Variants in WDPCP observed in about 807,000 individuals in gnomAD.
The protein encoded by WDPCP is WD repeat containing planar cell polarity effector.
Under a neutral mutation model 93.1 loss-of-function variants are expected in WDPCP, and 71 were observed. That is an observed-to-expected ratio of 0.76 (90% CI 0.63 to 0.93). The LOEUF (loss-of-function observed/expected upper bound fraction) is 0.93, where lower values mean the gene tolerates loss of function less well. Ranked by LOEUF, WDPCP falls within the 40% of genes least tolerant of loss-of-function variation. WDPCP has a pLI of 0.00. For synonymous variants in WDPCP, 315 were observed against 315.0 expected (o/e 1.00, Z 0.00); for missense variants, 844 against 887.4 (o/e 0.95, Z 0.62).
chr2:63,246,294 T>G (rs762841867), intron 14 of WDPCP, among the ~76,000 whole-genome samples: 4 of 152,190 alleles, frequency 2.6e-5, no homozygotes, highest in African/African-American at 4.8e-5. Flanking sequence ...CTGGTCGGTT[T>G]CATAAACATT....
chr2:63,680,073 TCTGAATATC>T (rs1023696266), intron 2 of WDPCP, among the ~76,000 whole-genome samples: 2 of 152,138 alleles, frequency 1.3e-5, no homozygotes, highest in Non-Finnish European at 2.9e-5. Context: ...CTTGCTAGGG[TCTGAATATC>T]CCCATCAAAA....
At chr2:63,205,455 T>C (rs1676268314) in intron 14 of WDPCP, among the ~76,000 whole-genome samples, 1 of 152,234 alleles carries the variant, frequency 6.6e-6, no homozygotes, top group African/African-American at 2.4e-5. Context: ...TTCCAATCCA[T>C]GAACATGGAA....
At chr2:63,604,699 G>A in intron 3 of WDPCP, 2 of 1,612,354 alleles carry the variant, frequency 1.2e-6, no homozygotes, top group Non-Finnish European at 1.7e-6. Context: ...TAACTAGATT[G>A]CTCTTAAACT....
chr2:63,527,461 C>T (rs1229985430), intron 1 of WDPCP, among the ~76,000 whole-genome samples: 2 of 148,904 alleles, frequency 1.3e-5, no homozygotes, highest in African/African-American at 2.5e-5. Flanking sequence ...TGAGTGAGAA[C>T]ATGCAGTGTT....
At chr2:63,160,834 A>G (rs1401104801) in intron 15 of WDPCP, among the ~76,000 whole-genome samples, 12 of 152,226 alleles carry the variant, frequency 7.9e-5, no homozygotes, top group Admixed American at 7.9e-4. Context: ...AATTCCATTA[A>G]TCAGTCTTTG....
At chr2:63,435,355 A>C (rs1697062146) in intron 8 of WDPCP, among the ~76,000 whole-genome samples, 1 of 152,202 alleles carries the variant, frequency 6.6e-6, no homozygotes, top group African/African-American at 2.4e-5. Context: ...TTGTTTTAAA[A>C]TCCAAATGGG....
At chr2:63,635,915 A>T (rs1190032960) in intron 3 of WDPCP, among the ~76,000 whole-genome samples, 2 of 152,210 alleles carry the variant, frequency 1.3e-5, no homozygotes, top group East Asian at 3.8e-4. Flanking sequence ...GAAGAAGTAA[A>T]ATTGCTGTTT....
chr2:63,535,475 G>A (rs373257751), intron 1 of WDPCP, among the ~76,000 whole-genome samples: 39 of 151,870 alleles, frequency 2.6e-4, no homozygotes, highest in African/African-American at 7.5e-4. Flanking sequence ...ACAAGGCTAC[G>A]GTAACCAAAA....
At chr2:63,670,635 G>T (rs60600949) in intron 2 of WDPCP, among the ~76,000 whole-genome samples, 1 of 152,234 alleles carries the variant, frequency 6.6e-6, no homozygotes, top group South Asian at 2.1e-4. Flanking sequence ...TAAAAAACAG[G>T]GAGGAAGAGA....
chr2:63,467,371 T>A (rs749050444), intron 6 of WDPCP, among the ~76,000 whole-genome samples: 1 of 151,558 alleles, frequency 6.6e-6, no homozygotes, highest in East Asian at 1.9e-4. Context: ...TCCCAGCTGC[T>A]CAGGAGGCTG....
chr2:63,594,487 G>A (rs2106604781), intron 3 of WDPCP: 1 of 1,610,800 alleles, frequency 6.2e-7, no homozygotes, highest in Non-Finnish European at 8.5e-7. Flanking sequence ...TTTCATTACA[G>A]TCTGAACCAA....
intron 17 of WDPCP, among the ~76,000 whole-genome samples, chr2:63,144,285 T>C (rs1671312624): frequency 6.7e-6 from 1 of 148,654 alleles, no homozygotes; most frequent in African/African-American, 2.4e-5. Context: ...TTTTATTTTA[T>C]TTTATTTTAT....
upstream of WDPCP, chr2:63,591,057 T>C (rs566158683): frequency 6.6e-6 from 1 of 152,372 alleles, no homozygotes; most frequent in East Asian, 1.9e-4. Context: ...TGGCTCTGTC[T>C]GTGGAATAAC....
At chr2:63,326,172 C>T (rs10169209) in intron 12 of WDPCP, among the ~76,000 whole-genome samples, 11 of 152,104 alleles carry the variant, frequency 7.2e-5, no homozygotes, top group Non-Finnish European at 4.4e-5. Flanking sequence ...ACTCCTTGAG[C>T]GACTGGTGCT....
intron 14 of WDPCP, among the ~76,000 whole-genome samples, chr2:63,185,784 T>C (rs1333881863): frequency 6.6e-6 from 1 of 152,186 alleles, no homozygotes; most frequent in African/African-American, 2.4e-5. Context: ...AGAGAAACTC[T>C]CCAGTGTCCC....
At chr2:63,135,573 C>G (rs1265219979) in intron 17 of WDPCP, among the ~76,000 whole-genome samples, 1 of 152,158 alleles carries the variant, frequency 6.6e-6, no homozygotes, top group Non-Finnish European at 1.5e-5. Context: ...CTCAGGTGAT[C>G]CATCCACCTC....
intron 14 of WDPCP, among the ~76,000 whole-genome samples, chr2:63,256,882 TATA>T (rs929314688): frequency 2.0e-5 from 3 of 152,156 alleles, no homozygotes; most frequent in Non-Finnish European, 4.4e-5. Flanking sequence ...CAAATTAGTC[TATA>T]ATGTTACAAA....
intron 1 of WDPCP, among the ~76,000 whole-genome samples, chr2:63,571,048 G>A (rs768237716): frequency 6.6e-6 from 1 of 150,518 alleles, no homozygotes; most frequent in Non-Finnish European, 1.5e-5. Flanking sequence ...GGGACTACAG[G>A]TGCGTGCCAC....
chr2:63,776,130 C>T (rs1442180176), intron 2 of WDPCP, among the ~76,000 whole-genome samples: 1 of 147,554 alleles, frequency 6.8e-6, no homozygotes, highest in African/African-American at 2.5e-5. Flanking sequence ...CAAGTTGCTC[C>T]ACAAATGAAA....
Sources: gnomAD v4.1 joint callset for allele counts (sites outside exome capture counted in the v4.1 genomes callset) on GRCh38, gnomAD v4.1.1 for gene constraint, MANE v1.5 for transcripts, NCBI Gene and HGNC (gene_info 2026-07-23, HGNC 2026-07-21) for gene names.